The following ROPN1B variants were observed in gnomAD, a reference collection of about 807,000 sequenced individuals.
ROPN1B encodes ropporin-1B.
Under a neutral mutation model 23.7 loss-of-function variants are expected in ROPN1B, and 13 were observed. The observed-to-expected ratio is 0.55, with a 90% confidence interval of 0.36 to 0.87. The LOEUF is 0.87. Among genes scored for constraint, ROPN1B ranks in the 40% least tolerant of loss-of-function variants. The pLI, the probability that ROPN1B is intolerant of heterozygous loss-of-function variation, is 0.01. For missense variants in ROPN1B, 183 were observed against 249.2 expected (o/e 0.73, Z 1.79); for synonymous variants, 67 against 100.4 (o/e 0.67, Z 1.99).
chr3:125,982,492 A>C (rs1282857962), intron 6 of ROPN1B, 47 bp downstream of exon 6: 39 of 1,516,770 alleles, frequency 2.6e-5, no homozygotes, highest in Non-Finnish European at 3.5e-5. Flanking sequence ...CCAGGAAAAC[A>C]AATCTATGGG....
intron 5 of ROPN1B, among the ~76,000 whole-genome samples, chr3:125,978,789 G>A (rs1457754504): frequency 7.9e-5 from 12 of 152,266 alleles, no homozygotes; most frequent in African/African-American, 2.6e-4. Flanking sequence ...TGGCTCTGGT[G>A]GTCTACTTCA....
At chr3:125,979,997 A>T (rs1938557682) in intron 5 of ROPN1B, among the ~76,000 whole-genome samples, 1 of 152,246 alleles carries the variant, frequency 6.6e-6, no homozygotes, top group African/African-American at 2.4e-5. Context: ...AAAGGAAGAG[A>T]TCACGTATGT....
At chr3:125,978,812 A>T (rs1368070026) in intron 5 of ROPN1B, among the ~76,000 whole-genome samples, 1 of 152,110 alleles carries the variant, frequency 6.6e-6, no homozygotes, top group Non-Finnish European at 1.5e-5. Context: ...GCCCCTCACC[A>T]GTGTGTGATG....
Position 125,982,415 on chromosome 3 carries a change from G to A in ROPN1B, c.542G>A (p.Ser181Asn), listed in dbSNP as rs1206177218. The A allele has an allele frequency of 6.2e-7, 1 of 1,607,052 alleles. No individual in the cohort carries two copies. Among genetic ancestry groups the A allele is most frequent in the South Asian group, 1.1e-5 (1 of 88,972 alleles). ...VDGEICASHV[S>N]RMLNYIEQEV... ...GGGGAGATCTGTGCATCACATGTCA[G>A]CAGGATGCTAAACTACATTGAACAG... The change falls in exon 6 of 7, where the codon AGC becomes AAC. Residue 181 changes from serine (S) to asparagine (N), a missense_variant. Physicochemically the swap from Ser to Asn is conservative, Grantham distance 46. Coordinates refer to ENST00000514116, the MANE Select transcript of ROPN1B (RefSeq NM_001308313.2).
intron 3 of ROPN1B, among the ~76,000 whole-genome samples, chr3:125,975,042 C>G (rs542187731): frequency 6.6e-6 from 1 of 152,222 alleles, no homozygotes; most frequent in Admixed American, 6.5e-5. Flanking sequence ...TGTAGTGGCA[C>G]AATTATAGTT....
intron 3 of ROPN1B, 67 bp from the exon 4 acceptor site, chr3:125,975,496 A>G: frequency 1.4e-6 from 2 of 1,457,790 alleles, no homozygotes; most frequent in Non-Finnish European, 1.9e-6. Flanking sequence ...AGGGGGAAGG[A>G]TTGCTAGAAC....
intron 5 of ROPN1B, among the ~76,000 whole-genome samples, chr3:125,980,858 G>A (rs1376650187): frequency 6.6e-6 from 1 of 152,088 alleles, no homozygotes; most frequent in East Asian, 1.9e-4. Context: ...TCACAAGCAT[G>A]ACTTACCATC....
chr3:125,981,482 C>G (rs1222530488), intron 5 of ROPN1B, among the ~76,000 whole-genome samples: 1 of 152,128 alleles, frequency 6.6e-6, no homozygotes, highest in Non-Finnish European at 1.5e-5. Context: ...TTCAGTAAAC[C>G]ACCAAGATCT....
chr3:125,970,128 C>T (rs1178716178), intron 1 of ROPN1B: 1 of 150,184 alleles, frequency 6.7e-6, no homozygotes, highest in Non-Finnish European at 1.5e-5. Context: ...ACACATGTTA[C>T]TCAAAGAATC....
chr3:125,972,984 A>T (rs1036742656), intron 3 of ROPN1B: 65 of 387,074 alleles, frequency 1.7e-4, no homozygotes, highest in Non-Finnish European at 2.1e-4. Flanking sequence ...CCTCTCAGCT[A>T]TGAAATTGCT....
At position 125,972,071 on chromosome 3, in the gene ROPN1B, A is replaced by C. The variant is rs377668832; in HGVS notation, c.17A>C (p.Lys6Thr). The C allele has an allele frequency of 2.2e-5, 35 of 1,614,102 alleles. No homozygotes were observed. The highest frequency in any genetic ancestry group is 2.8e-5 in the Non-Finnish European group (33 of 1,180,040). The change falls in exon 3 of 7, where the codon AAG (lysine) becomes ACG (threonine). Residue 6 changes from lysine to threonine, a missense_variant. This residue lies in a region of ROPN1B where 97 missense variants were observed against 99.6 expected (regional missense o/e 0.97). Coordinates refer to ENST00000514116, the MANE Select transcript of ROPN1B (RefSeq NM_001308313.2). MAQTDKPTCIPPELPK... is the reference protein window; with the variant it reads MAQTDTPTCIPPELPK... ...AACCAATCAATGGCTCAGACAGATAAGCCAACATGCATCCCGCCGGAGCTG... is the reference window on the plus strand; with the variant it reads ...AACCAATCAATGGCTCAGACAGATACGCCAACATGCATCCCGCCGGAGCTG...
Position 125,976,809 on chromosome 3 carries a change from A to G in ROPN1B, c.235-195A>G, listed in dbSNP as rs1415175348. 3.8e-6 allele frequency: 3 copies of G among 794,566 alleles called. No individual in the cohort carries two copies. The African/African-American group carries it at 5.0e-5, about 13-fold the overall frequency. The allele number at this position is 794,566 out of a possible 1,614,324, so 49.2% of individuals were successfully genotyped here. On this transcript the variant is annotated intron_variant, in intron 4 of 6. Coordinates refer to ENST00000514116, the MANE Select transcript of ROPN1B (RefSeq NM_001308313.2). ...CCTAAAGTTTGACAATTAATAAATT[A>G]TATTTCAGCATGCTCTTCACTAGGA... is the stretch of plus-strand genomic sequence containing the variant.
At chr3:125,982,094 T>G (rs1475591913) in intron 5 of ROPN1B, among the ~76,000 whole-genome samples, 176 bp from the exon 6 acceptor site, 1 of 152,230 alleles carries the variant, frequency 6.6e-6, no homozygotes, top group Non-Finnish European at 1.5e-5. Flanking sequence ...ACTCAATATT[T>G]TTTAGAATGA....
chr3:125,978,344 T>C (rs1347192471), intron 5 of ROPN1B, among the ~76,000 whole-genome samples: 1 of 152,172 alleles, frequency 6.6e-6, no homozygotes, highest in Admixed American at 6.5e-5. Context: ...TGGGGGAAAA[T>C]GTACCTTTAA....
intron 4 of ROPN1B, 175 bp from the exon 5 acceptor site, chr3:125,976,829 C>G (rs1296600585): frequency 7.0e-6 from 6 of 852,748 alleles, no homozygotes; most frequent in Non-Finnish European, 1.2e-5. Context: ...ATGCTCTTCA[C>G]TAGGATTTGC....
At chr3:125,977,609 A>G (rs138915542) in intron 5 of ROPN1B, 14,705 of 193,614 alleles carry the variant, frequency 0.076, 794 homozygotes, top group Middle Eastern at 0.15. Context: ...ACTCAGACAT[A>G]AGAAAGCAAA....
intron 3 of ROPN1B, chr3:125,973,476 G>A (rs1166379326): frequency 5.9e-6 from 1 of 169,772 alleles, no homozygotes; most frequent in Non-Finnish European, 1.3e-5. Context: ...TTTAGCTTCA[G>A]AAGACTAATT....
At chr3:125,978,604 C>T (rs765221254) in intron 5 of ROPN1B, among the ~76,000 whole-genome samples, 1 of 152,218 alleles carries the variant, frequency 6.6e-6, no homozygotes, top group African/African-American at 2.4e-5. Flanking sequence ...TCTGGCATCT[C>T]TGGTCTCCAT....
chr3:125,979,008 C>T (rs1338417534), intron 5 of ROPN1B, among the ~76,000 whole-genome samples: 1 of 152,186 alleles, frequency 6.6e-6, no homozygotes, highest in Non-Finnish European at 1.5e-5. Flanking sequence ...CCTTCTAAAA[C>T]AAGGAGGTGG....
Sources: gnomAD v4.1 joint callset for allele counts (sites outside exome capture counted in the v4.1 genomes callset) on GRCh38, gnomAD v4.1.1 for gene constraint, gnomAD v4.1.1 regional missense constraint, MANE v1.5 for transcripts, NCBI Gene and HGNC (gene_info 2026-07-23, HGNC 2026-07-21) for gene names.